The following DNAH11 variants were observed in gnomAD, a reference collection of about 807,000 sequenced individuals.
DNAH11 encodes dynein axonemal heavy chain 11.
DNAH11 carries 442 observed loss-of-function variants against 526.0 expected under a neutral mutation model. The observed-to-expected ratio is 0.84, with a 90% confidence interval of 0.78 to 0.91. The LOEUF is 0.91. Ranked by LOEUF, DNAH11 falls within the 40% of genes least tolerant of loss-of-function variation. The pLI, the probability that DNAH11 is intolerant of heterozygous loss-of-function variation, is 0.00. For synonymous variants in DNAH11, 2,461 were observed against 1,935.9 expected, an observed-to-expected ratio of 1.27 and a Z score of -7.12; for missense variants, 6,989 against 5,448.7, an observed-to-expected ratio of 1.28 and a Z score of -8.90.
intron 68 of DNAH11, among the ~76,000 whole-genome samples, chr7:21,858,544 G>A (rs910395308): frequency 1.3e-5 from 2 of 152,162 alleles, no homozygotes; most frequent in African/African-American, 4.8e-5. Context: ...ATAAAGGTAT[G>A]AATTGTTGGT....
intron 73 of DNAH11, 44 bp downstream of exon 73, chr7:21,869,035 G>A: frequency 6.2e-7 from 1 of 1,611,624 alleles, no homozygotes; most frequent in Non-Finnish European, 8.5e-7. Context: ...TAAACACAGA[G>A]GAGGGCCAGG....
chr7:21,561,354 G>C, intron 5 of DNAH11, 184 bp downstream of exon 5: 1 of 532,090 alleles, frequency 1.9e-6, no homozygotes, highest in Admixed American at 3.7e-5. Context: ...ACTACTTTTA[G>C]TTTATCTGGT....
rs1784705526 is a variant in DNAH11, at chr7:21,900,087, G to C, written c.13270G>C (p.Glu4424Gln). 6.2e-7 allele frequency: 1 copy of C among 1,613,958 alleles called. No individual in the cohort carries two copies. Among genetic ancestry groups the C allele is most frequent in the Non-Finnish European group, 8.5e-7 (1 of 1,179,866 alleles). The part of the protein sequence containing the change: ...TKEDYGHPPR[E>Q]GAYLHGLFME... ...GGAAGATTATGGACACCCGCCAAGG[G>C]AAGGTGCATACCTCCACGGACTCTT... The change falls in exon 81 of 82, where the codon GAA (glutamate) becomes CAA (glutamine). Residue 4424 changes from glutamate (E) to glutamine (Q), a missense_variant. Physicochemically the swap from Glu to Gln is conservative, Grantham distance 29 (BLOSUM62 2). Transcript: ENST00000409508.
chr7:21,623,000 A>G (rs1317071622), intron 25 of DNAH11, among the ~76,000 whole-genome samples: 7 of 152,032 alleles, frequency 4.6e-5, no homozygotes, highest in African/African-American at 9.7e-5. Flanking sequence ...CTTCTGCACA[A>G]CAAAAGAAAC....
intron 8 of DNAH11, among the ~76,000 whole-genome samples, chr7:21,572,909 A>G (rs934735466): frequency 3.3e-5 from 5 of 152,174 alleles, no homozygotes; most frequent in African/African-American, 1.2e-4. Flanking sequence ...GCTCATCCCC[A>G]AAGCCTTGTA....
At chr7:21,712,306 C>T (rs916566382) in intron 42 of DNAH11, among the ~76,000 whole-genome samples, 1 of 152,148 alleles carries the variant, frequency 6.6e-6, no homozygotes, top group Non-Finnish European at 1.5e-5. Flanking sequence ...GTTTCTTCTA[C>T]CTTTTGGCTA....
intron 79 of DNAH11, 121 bp from the exon 80 acceptor site, chr7:21,899,215 A>T (rs1784646058): frequency 1.3e-6 from 1 of 751,194 alleles, no homozygotes; most frequent in Non-Finnish European, 2.4e-6. Flanking sequence ...GGATTTTACC[A>T]GCTAGCAGTG....
chr7:21,868,122 A>C (rs1196439017), intron 72 of DNAH11, 115 bp downstream of exon 72: 1 of 822,368 alleles, frequency 1.2e-6, no homozygotes, highest in Non-Finnish European at 1.6e-6. Context: ...TTTTTTTTTA[A>C]TTTGTTGAAG....
intron 25 of DNAH11, among the ~76,000 whole-genome samples, chr7:21,621,438 T>C (rs895166671): frequency 4.6e-5 from 7 of 151,996 alleles, no homozygotes; most frequent in African/African-American, 9.7e-5. Context: ...TTCCAATCAA[T>C]AGAAAAAGAG....
chr7:21,877,084 C>G (rs949414157), intron 74 of DNAH11, among the ~76,000 whole-genome samples: 4 of 152,204 alleles, frequency 2.6e-5, no homozygotes, highest in African/African-American at 9.7e-5. Flanking sequence ...AATGCTATCT[C>G]TCTTGTTACC....
intron 18 of DNAH11, among the ~76,000 whole-genome samples, chr7:21,601,896 G>A (rs1785104930): frequency 6.6e-6 from 1 of 151,504 alleles, no homozygotes; most frequent in Admixed American, 6.6e-5. Context: ...AATGTAGATT[G>A]TAAAGAACCT....
At chr7:21,549,383 C>CTTTGTCTGGATT in intron 2 of DNAH11, among the ~76,000 whole-genome samples, 1 of 151,836 alleles carries the variant, frequency 6.6e-6, no homozygotes, top group African/African-American at 2.4e-5. Flanking sequence ...TATTCCCATA[C>CTTTGTCTGGATT]TCTAAGGTTT....
At chr7:21,834,095 G>T (rs1371877733) in intron 65 of DNAH11, among the ~76,000 whole-genome samples, 1 of 152,164 alleles carries the variant, frequency 6.6e-6, no homozygotes, top group African/African-American at 2.4e-5. Context: ...TAGGACATAT[G>T]TTATGCCACA....
At chr7:21,546,329 T>G (rs539509643) in intron 2 of DNAH11, among the ~76,000 whole-genome samples, 8 of 152,318 alleles carry the variant, frequency 5.3e-5, no homozygotes, top group African/African-American at 1.7e-4. Context: ...TTTAGCTGAT[T>G]TCAGGGAGGT....
Position 21,570,438 on chromosome 7 carries a change from G to T in DNAH11, c.1425+139G>T, listed in dbSNP as rs1783840625. 7.7e-6 allele frequency: 5 copies of T among 652,658 alleles called. No homozygotes were observed. In the East Asian group the frequency reaches 1.4e-4, roughly 18 times the overall value. The allele number at this position is 652,658 out of a possible 1,614,324, so 40.4% of individuals were successfully genotyped here. ...CTCAGTGATTCTCATAAGGAGCTCA[G>T]CAGGCCAATGCTATGATGATACAAG... On this transcript the variant is annotated intron_variant, in intron 7 of 81. Transcript: ENST00000409508.
At chr7:21,647,426 T>TG (rs1787404537) in intron 28 of DNAH11, among the ~76,000 whole-genome samples, 1 of 113,980 alleles carries the variant, frequency 8.8e-6, no homozygotes, top group Non-Finnish European at 1.9e-5. Context: ...TTTCTTTCTT[T>TG]CTTTTTTTTT....
intron 65 of DNAH11, among the ~76,000 whole-genome samples, chr7:21,819,182 A>T (rs1192130525): frequency 6.6e-6 from 1 of 152,036 alleles, no homozygotes; most frequent in African/African-American, 2.4e-5. Flanking sequence ...TTCTTCAAAG[A>T]TATATAATTT....
In DNAH11 at chr7:21,735,793, A is replaced by T; in HGVS notation, c.7594A>T (p.Ile2532Leu). ...ATTGGCAAGTCTCTCTGAGGATTAC[A>T]TAGTATCCCGTGTGCCTTTCAACTA... The part of the protein sequence containing the change: ...DTLASLSEDY[I>L]VSRVPFNYYT... Residue 2532 changes from isoleucine to leucine, a missense_variant, in exon 46 of 82, where the codon ATA (isoleucine) becomes TTA (leucine). By Grantham distance (5) the Ile-to-Leu change is conservative. Coordinates refer to ENST00000409508, the MANE Select transcript of DNAH11 (RefSeq NM_001277115.2). 6.2e-7 allele frequency: 1 copy of T among 1,613,976 alleles called. No individual in the cohort carries two copies. The highest frequency in any genetic ancestry group is 2.2e-5 in the East Asian group (1 of 44,870).
At chr7:21,664,390 A>T (rs1782348174) in intron 30 of DNAH11, among the ~76,000 whole-genome samples, 1 of 151,750 alleles carries the variant, frequency 6.6e-6, no homozygotes, top group African/African-American at 2.4e-5. Flanking sequence ...AAATGTCTCT[A>T]CAGTGTATCT....
Sources: gnomAD v4.1 joint callset for allele counts (sites outside exome capture counted in the v4.1 genomes callset) on GRCh38, gnomAD v4.1.1 for gene constraint, MANE v1.5 for transcripts, NCBI Gene and HGNC (gene_info 2026-07-23, HGNC 2026-07-21) for gene names.